The following CDK14 variants were observed in gnomAD, a reference collection of about 807,000 sequenced individuals.
CDK14 encodes cyclin dependent kinase 14.
A neutral mutation model predicts 60.7 loss-of-function variants in CDK14; 34 were observed. That is an observed-to-expected ratio of 0.56 (90% CI 0.43 to 0.75). The LOEUF (loss-of-function observed/expected upper bound fraction) is 0.75. Among genes scored for constraint, CDK14 ranks in the 30% least tolerant of loss-of-function variants. The pLI, the probability that CDK14 is intolerant of heterozygous loss-of-function variation, is 0.00. For synonymous variants in CDK14, 197 were observed against 203.7 expected (o/e 0.97, Z 0.28); for missense variants, 482 against 564.1 (o/e 0.85, Z 1.47).
intron 10 of CDK14, among the ~76,000 whole-genome samples, chr7:91,002,565 C>T (rs1338648327): frequency 6.6e-6 from 1 of 152,132 alleles, no homozygotes; most frequent in African/African-American, 2.4e-5. Context: ...ACCAACTCAA[C>T]CAATATGTAT....
chr7:90,976,724 T>A (rs1457277551), intron 9 of CDK14, among the ~76,000 whole-genome samples: 2 of 152,126 alleles, frequency 1.3e-5, no homozygotes, highest in African/African-American at 2.4e-5. Flanking sequence ...TTTGAGTTCC[T>A]TATATATCCT....
intron 10 of CDK14, among the ~76,000 whole-genome samples, chr7:90,989,317 A>G (rs1795468261): frequency 6.6e-6 from 1 of 152,200 alleles, no homozygotes; most frequent in Non-Finnish European, 1.5e-5. Context: ...TATAACAGCC[A>G]CATGGTTAGG....
At chr7:90,770,582 T>C (rs1177619072) in intron 4 of CDK14, among the ~76,000 whole-genome samples, 1 of 152,206 alleles carries the variant, frequency 6.6e-6, no homozygotes, top group Non-Finnish European at 1.5e-5. Context: ...ATCACATTAC[T>C]TAACTGGATT....
At chr7:90,939,220 A>T (rs1005101260) in intron 8 of CDK14, among the ~76,000 whole-genome samples, 1 of 152,232 alleles carries the variant, frequency 6.6e-6, no homozygotes, top group Non-Finnish European at 1.5e-5. Context: ...AGATAAAGGT[A>T]TTAAGGACAA....
At chr7:90,964,313 G>GT (rs1281416543) in intron 9 of CDK14, among the ~76,000 whole-genome samples, 1 of 152,114 alleles carries the variant, frequency 6.6e-6, no homozygotes, top group Non-Finnish European at 1.5e-5. Flanking sequence ...TTGACAAAAT[G>GT]TAACTAGCAG....
At chr7:90,958,709 T>G (rs541022849) in intron 9 of CDK14, among the ~76,000 whole-genome samples, 1 of 152,300 alleles carries the variant, frequency 6.6e-6, no homozygotes, top group African/African-American at 2.4e-5. Flanking sequence ...CTGCAGATAT[T>G]CATTACTTAA....
intron 14 of CDK14, among the ~76,000 whole-genome samples, chr7:91,174,266 C>T (rs1308541911): frequency 1.3e-5 from 2 of 152,022 alleles, no homozygotes; most frequent in African/African-American, 2.4e-5. Flanking sequence ...AGAAGGAAAA[C>T]TAACAAACAG....
intron 5 of CDK14, among the ~76,000 whole-genome samples, chr7:90,862,598 C>T (rs956302340): frequency 6.6e-6 from 1 of 151,982 alleles, no homozygotes; most frequent in Non-Finnish European, 1.5e-5. Context: ...TTCATAGAAC[C>T]ACTATTCAGA....
rs149562865 is a variant in CDK14, at chr7:91,058,555, G to C, written c.1105+12595G>C. On this transcript the variant is annotated intron_variant, in intron 11 of 14. Transcript: ENST00000380050. ...ATTGGCTGTGGGTTTGTCATAGATA[G>C]CTTATTATTTTGAGACACATCCCAT... Among the ~76,000 whole-genome samples, 1,151 of 151,924 alleles carry C rather than the reference G, an allele frequency of 7.6e-3. 18 individuals are homozygous for C. Among genetic ancestry groups the C allele is most frequent in the African/African-American group, 0.026 (1,090 of 41,488 alleles).
intron 2 of CDK14, among the ~76,000 whole-genome samples, chr7:90,622,236 T>C (rs1431677331): frequency 1.3e-5 from 2 of 151,554 alleles, no homozygotes; most frequent in Non-Finnish European, 1.5e-5. Flanking sequence ...CGGTCAGATG[T>C]TGAGTGTTGT....
chr7:91,173,877 G>A (rs987310910), intron 14 of CDK14, among the ~76,000 whole-genome samples: 1 of 152,248 alleles, frequency 6.6e-6, no homozygotes, highest in Non-Finnish European at 1.5e-5. Flanking sequence ...GCGAGGCTGG[G>A]GGAGGGGCAC....
intron 6 of CDK14, among the ~76,000 whole-genome samples, chr7:90,879,961 C>A (rs1791691854): frequency 1.3e-5 from 2 of 152,162 alleles, no homozygotes; most frequent in African/African-American, 4.8e-5. Flanking sequence ...ACTGTGCAAC[C>A]CACCAATCGG....
At chr7:91,177,669 GACAA>G (rs1173134921) in intron 14 of CDK14, among the ~76,000 whole-genome samples, 7 of 149,892 alleles carry the variant, frequency 4.7e-5, no homozygotes, top group African/African-American at 7.4e-5. Context: ...ACCAACAACA[GACAA>G]ACAGAGAGCC....
intron 2 of CDK14, among the ~76,000 whole-genome samples, chr7:90,635,373 C>G (rs1800116984): frequency 1.3e-5 from 2 of 152,192 alleles, no homozygotes; most frequent in Admixed American, 6.5e-5. Context: ...TTTCCCAACA[C>G]CATTTATTAA....
At chr7:91,026,548 G>A (rs760358977) in intron 10 of CDK14, among the ~76,000 whole-genome samples, 9 of 152,092 alleles carry the variant, frequency 5.9e-5, no homozygotes, top group Non-Finnish European at 1.2e-4. Flanking sequence ...TCTTTCATAT[G>A]AGGGTAAAAT....
chr7:90,744,164 G>T (rs961675304), intron 3 of CDK14, among the ~76,000 whole-genome samples: 2 of 152,166 alleles, frequency 1.3e-5, no homozygotes, highest in Non-Finnish European at 2.9e-5. Flanking sequence ...GCGGCCTTCC[G>T]CAGTGTTTGT....
chr7:90,928,898 T>C (rs530931373), intron 8 of CDK14, among the ~76,000 whole-genome samples: 61 of 152,264 alleles, frequency 4.0e-4, no homozygotes, highest in Middle Eastern at 3.4e-3. Flanking sequence ...GCTGCTTTGT[T>C]TACCTACTCA....
At chr7:91,062,169 G>T (rs990417136) in intron 11 of CDK14, among the ~76,000 whole-genome samples, 2 of 152,150 alleles carry the variant, frequency 1.3e-5, no homozygotes, top group South Asian at 2.1e-4. Context: ...AGCAATGACC[G>T]AGGCTCCATG....
intron 10 of CDK14, among the ~76,000 whole-genome samples, chr7:91,011,899 G>T (rs1294549484): frequency 1.3e-5 from 2 of 151,930 alleles, no homozygotes; most frequent in African/African-American, 4.8e-5. Context: ...TGTCATCTTT[G>T]TCATTTCTGG....
Sources: allele counts gnomAD v4.1 joint callset (sites outside exome capture counted in the v4.1 genomes callset), GRCh38; gene constraint gnomAD v4.1.1; transcripts MANE v1.5; gene names NCBI Gene and HGNC (gene_info 2026-07-23, HGNC 2026-07-21).